Variants in KANK1 observed in about 807,000 individuals in gnomAD.
KANK1 encodes the protein KN motif and ankyrin repeat domains 1, also known as KN motif and ankyrin repeat domain-containing protein 1.
KANK1 carries 109 observed loss-of-function variants against 106.2 expected under a neutral mutation model. The observed-to-expected ratio is 1.03, with a 90% CI of 0.88 to 1.20. The LOEUF is 1.20. Among genes scored for constraint, KANK1 ranks in the 50% most tolerant of loss-of-function variants. KANK1 has a pLI of 0.00. For synonymous variants in KANK1, 873 were observed against 652.2 expected (o/e 1.34, Z -5.16); for missense variants, 2,399 against 1,710.7 (o/e 1.40, Z -7.10).
At chr9:601,861 C>G (rs1044242360) in intron 1 of KANK1, among the ~76,000 whole-genome samples, 2 of 151,908 alleles carry the variant, frequency 1.3e-5, no homozygotes, top group African/African-American at 2.4e-5. Context: ...CCCTAAGGAG[C>G]CTGGGTCCTT....
At chr9:596,190 G>T (rs114316981) in intron 1 of KANK1, among the ~76,000 whole-genome samples, 1,741 of 151,902 alleles carry the variant, frequency 0.011, 85 homozygotes, top group African/African-American at 0.04. Flanking sequence ...TGTCATGTCA[G>T]CATTCAAAAA....
chr9:656,780 A>G (rs963713223), intron 1 of KANK1, among the ~76,000 whole-genome samples: 2 of 152,132 alleles, frequency 1.3e-5, no homozygotes, highest in African/African-American at 2.4e-5. Context: ...AAAAAGGGAA[A>G]AGCTTAAGTG....
intron 1 of KANK1, among the ~76,000 whole-genome samples, chr9:645,688 C>G (rs903567846): frequency 6.0e-5 from 9 of 150,540 alleles, no homozygotes; most frequent in African/African-American, 2.3e-4. Context: ...TCGAAACCAG[C>G]CTGGCCAACG....
intron 3 of KANK1, among the ~76,000 whole-genome samples, chr9:727,145 A>C (rs10976098): frequency 0.073 from 11,135 of 152,188 alleles, 991 homozygotes; most frequent in East Asian, 0.21. Flanking sequence ...TCTTACAAGC[A>C]GACTGTCTGC....
intron 2 of KANK1, among the ~76,000 whole-genome samples, chr9:700,109 C>T (rs1040251326): frequency 1.3e-5 from 2 of 152,204 alleles, no homozygotes; most frequent in East Asian, 3.8e-4. Context: ...AAAAGCCTAG[C>T]ACGTGGCAGG....
intron 1 of KANK1, among the ~76,000 whole-genome samples, chr9:665,090 A>G (rs1199101778): frequency 2.0e-5 from 3 of 152,108 alleles, no homozygotes; most frequent in Non-Finnish European, 4.4e-5. Flanking sequence ...GGTAGTTTGC[A>G]AATACTTTCT....
chr9:591,465 C>T (rs759876438), intron 1 of KANK1, among the ~76,000 whole-genome samples: 2 of 151,652 alleles, frequency 1.3e-5, no homozygotes, highest in Non-Finnish European at 2.9e-5. Context: ...CTGGCACGAT[C>T]TTGCTTTTCC....
chr9:628,029 T>C (rs1473103095), intron 1 of KANK1, among the ~76,000 whole-genome samples: 3 of 152,228 alleles, frequency 2.0e-5, no homozygotes, highest in African/African-American at 7.2e-5. Context: ...TATAATTTTA[T>C]TGGCACAATG....
At chr9:698,113 A>T (rs373959047) in intron 2 of KANK1, among the ~76,000 whole-genome samples, 2 of 152,264 alleles carry the variant, frequency 1.3e-5, no homozygotes, top group Non-Finnish European at 2.9e-5. Flanking sequence ...CTGTTGGCCA[A>T]TTCAGGCCCT....
chr9:562,913 T>C (rs773669734), intron 1 of KANK1, among the ~76,000 whole-genome samples: 52 of 152,202 alleles, frequency 3.4e-4, no homozygotes, highest in Non-Finnish European at 6.5e-4. Flanking sequence ...ATTGTTTTAT[T>C]AACACATTAG....
chr9:502,271 G>C (rs1444120399), upstream of KANK1, among the ~76,000 whole-genome samples: 1 of 152,134 alleles, frequency 6.6e-6, no homozygotes, highest in Non-Finnish European at 1.5e-5. Context: ...ATGGTTGTGT[G>C]ACTTTGGGAA....
At chr9:553,435 A>C (rs1369093575) in intron 1 of KANK1, among the ~76,000 whole-genome samples, 1 of 152,160 alleles carries the variant, frequency 6.6e-6, no homozygotes, top group Admixed American at 6.5e-5. Context: ...CTGAGGCTTA[A>C]AGTGGCTGAG....
At chr9:505,036 C>T (rs1363972911) in intron 1 of KANK1, among the ~76,000 whole-genome samples, 1 of 151,708 alleles carries the variant, frequency 6.6e-6, no homozygotes, top group Non-Finnish European at 1.5e-5. Context: ...GGCGCTCGGC[C>T]GGTCTGGAGG....
intron 1 of KANK1, among the ~76,000 whole-genome samples, chr9:600,889 A>C (rs1413061402): frequency 6.6e-6 from 1 of 151,808 alleles, no homozygotes; most frequent in Admixed American, 6.6e-5. Flanking sequence ...ATAACTGAAA[A>C]GTTTAGTTAT....
chr9:569,794 A>G (rs1412992125), intron 1 of KANK1, among the ~76,000 whole-genome samples: 1 of 151,690 alleles, frequency 6.6e-6, no homozygotes, highest in Non-Finnish European at 1.5e-5. Flanking sequence ...TTATTAGTGA[A>G]GTATTTTGTA....
chr9:543,801 A>G (rs958866603), intron 1 of KANK1, among the ~76,000 whole-genome samples: 2 of 152,054 alleles, frequency 1.3e-5, no homozygotes, highest in African/African-American at 2.4e-5. Flanking sequence ...AAGACTTGAC[A>G]TTTCTCTAGT....
chr9:554,871 A>G (rs1047936631), intron 1 of KANK1, among the ~76,000 whole-genome samples: 6 of 152,202 alleles, frequency 3.9e-5, no homozygotes, highest in Non-Finnish European at 7.3e-5. Context: ...TTTCGTGGCA[A>G]GGTTATCTTG....
intron 3 of KANK1, among the ~76,000 whole-genome samples, chr9:715,073 G>C (rs1827321804): frequency 6.6e-6 from 1 of 152,124 alleles, no homozygotes; most frequent in African/African-American, 2.4e-5. Flanking sequence ...TATCTTCCTA[G>C]GTTTCCACTT....
intron 2 of KANK1, among the ~76,000 whole-genome samples, chr9:691,901 G>A (rs1458808451): frequency 6.6e-6 from 1 of 151,502 alleles, no homozygotes; most frequent in Non-Finnish European, 1.5e-5. Flanking sequence ...ACACGCATGA[G>A]CCACCATGCC....
Sources: gnomAD v4.1 joint callset for allele counts (sites outside exome capture counted in the v4.1 genomes callset) on GRCh38, gnomAD v4.1.1 for gene constraint, MANE v1.5 for transcripts, NCBI Gene and HGNC (gene_info 2026-07-23, HGNC 2026-07-21) for gene names.